The following ATP10D variants were observed in gnomAD, a reference collection of about 807,000 sequenced individuals.
The protein encoded by ATP10D is phospholipid-transporting ATPase VD.
A neutral mutation model predicts 144.8 loss-of-function variants in ATP10D; 89 were observed. The observed-to-expected ratio is 0.61, with a 90% confidence interval of 0.52 to 0.73. The LOEUF (loss-of-function observed/expected upper bound fraction) is 0.73, where lower values mean the gene tolerates loss of function less well. ATP10D is among the 30% of genes least tolerant of loss of function. The pLI is 0.00. For synonymous variants in ATP10D, 571 were observed against 615.1 expected, an observed-to-expected ratio of 0.93 and a Z score of 1.06; for missense variants, 1,603 against 1,714.8, an observed-to-expected ratio of 0.93 and a Z score of 1.15.
At chr4:47,527,431 T>C (rs1377451918) in intron 5 of ATP10D, among the ~76,000 whole-genome samples, 1 of 152,016 alleles carries the variant, frequency 6.6e-6, no homozygotes, top group Non-Finnish European at 1.5e-5. Context: ...CACAATCCAT[T>C]AAAGAAAAAT....
chr4:47,580,262 T>C, intron 19 of ATP10D, 136 bp from the exon 20 acceptor site: 1 of 734,056 alleles, frequency 1.4e-6, no homozygotes, highest in Non-Finnish European at 2.4e-6. Context: ...CCCTTATCTT[T>C]ACCTCTGTTG....
intron 11 of ATP10D, among the ~76,000 whole-genome samples, chr4:47,557,300 A>C (rs576084786): frequency 6.6e-6 from 1 of 152,198 alleles, no homozygotes. Context: ...TTAGAAAAAA[A>C]ATTGCTGAAG....
At chr4:47,547,074 G>A (rs1718480765) in intron 10 of ATP10D, 4 of 566,770 alleles carry the variant, frequency 7.1e-6, no homozygotes, top group Non-Finnish European at 1.2e-5. Context: ...ATGTTGAGAG[G>A]TAGTATACCA....
chr4:47,499,203 T>A (rs928822239), intron 1 of ATP10D, among the ~76,000 whole-genome samples: 1 of 152,212 alleles, frequency 6.6e-6, no homozygotes, highest in Non-Finnish European at 1.5e-5. Flanking sequence ...CTGATCCGTT[T>A]ACTAGACTCT....
At chr4:47,565,027 C>G (rs1360921779) in intron 15 of ATP10D, among the ~76,000 whole-genome samples, 6 of 152,220 alleles carry the variant, frequency 3.9e-5, no homozygotes, top group Non-Finnish European at 7.3e-5. Flanking sequence ...GGCGCGATCT[C>G]GGCTCACTGC....
chr4:47,572,843 A>T (rs377514015), intron 17 of ATP10D, 29 bp from the exon 18 acceptor site: 3 of 1,613,794 alleles, frequency 1.9e-6, no homozygotes, highest in Non-Finnish European at 2.5e-6. Flanking sequence ...ATCACTCAGG[A>T]TGGCATTCTC....
At chr4:47,532,210 G>T (rs28493467) in intron 5 of ATP10D, among the ~76,000 whole-genome samples, 54 of 152,164 alleles carry the variant, frequency 3.5e-4, no homozygotes, top group African/African-American at 1.3e-3. Context: ...AGACACATTC[G>T]AGCATCATTT....
Position 47,535,851 on chromosome 4 carries a change from C to T in ATP10D, c.884-51C>T, listed in dbSNP as rs186023260. The T allele has an allele frequency of 3.8e-6, 6 of 1,570,276 alleles. No individual in the cohort carries two copies. In the Admixed American group the frequency reaches 1.2e-4, roughly 30 times the overall value. ...GAGAGATTTTTAAATATGGTATTCG[C>T]TTCTTGGCTTTAATTTGTACATTTT... On this transcript the variant is annotated intron_variant, in intron 6 of 22. Coordinates refer to ENST00000273859, the MANE Select transcript of ATP10D (RefSeq NM_020453.4).
chr4:47,502,511 A>G (rs1423731394), intron 1 of ATP10D, among the ~76,000 whole-genome samples: 1 of 150,502 alleles, frequency 6.6e-6, no homozygotes. Context: ...GAAGAGAAGC[A>G]TTATCGCTTT....
chr4:47,536,698 A>G lies in ATP10D; in HGVS notation c.1156A>G (p.Ile386Val), dbSNP rs753004084. ...TGGATCTTCTTAGGTCTTGATTCCTATTTCTCTCTATGTTTCCATCGAAAT... is the reference window on the plus strand; with the variant it reads ...TGGATCTTCTTAGGTCTTGATTCCTGTTTCTCTCTATGTTTCCATCGAAAT... ...MIILLQVLIPISLYVSIEIVK... is the reference protein window; with the variant it reads ...MIILLQVLIPVSLYVSIEIVK... The change falls in exon 9 of 23, where the codon ATT (isoleucine) becomes GTT (valine). Residue 386 changes from isoleucine (I) to valine (V), a missense_variant. Coordinates refer to ENST00000273859, the MANE Select transcript of ATP10D (RefSeq NM_020453.4). 13 of 1,608,728 alleles carry G rather than the reference A, an allele frequency of 8.1e-6. No homozygotes were observed. The highest frequency in any genetic ancestry group is 4.4e-5 in the South Asian group (4 of 89,928).
At chr4:47,546,087 T>C (rs1296788807) in intron 9 of ATP10D, among the ~76,000 whole-genome samples, 4 of 152,120 alleles carry the variant, frequency 2.6e-5, no homozygotes, top group African/African-American at 7.2e-5. Context: ...AAGGAAAAAA[T>C]GGTCAAGTCT....
intron 22 of ATP10D, among the ~76,000 whole-genome samples, chr4:47,588,616 G>A (rs1362851184): frequency 6.6e-6 from 1 of 152,110 alleles, no homozygotes; most frequent in Non-Finnish European, 1.5e-5. Flanking sequence ...GTATCATACG[G>A]CACAGTGGAC....
At chr4:47,487,400 A>G (rs910151898) in intron 1 of ATP10D, among the ~76,000 whole-genome samples, 1 of 152,222 alleles carries the variant, frequency 6.6e-6, no homozygotes, top group Non-Finnish European at 1.5e-5. Context: ...AAAAATGTAC[A>G]CATATTCAAG....
In ATP10D at chr4:47,512,532, A is replaced by T. The variant is rs1189038810; in HGVS notation, c.-9A>T. The stretch of plus-strand genomic sequence containing the variant: ...AGCTACACAACCTGGATCTTACCAC[A>T]GTTTGGATATGACTGAGGCTCTCCA... On this transcript the variant is annotated 5_prime_UTR_variant, in exon 2 of 23. Coordinates refer to ENST00000273859, the MANE Select transcript of ATP10D (RefSeq NM_020453.4). The T allele has an allele frequency of 1.2e-6, 2 of 1,602,224 alleles. No homozygotes were observed. The highest frequency in any genetic ancestry group is 1.7e-6 in the Non-Finnish European group (2 of 1,171,758).
chr4:47,520,428 C>G (rs1716883992), intron 3 of ATP10D, among the ~76,000 whole-genome samples: 1 of 152,150 alleles, frequency 6.6e-6, no homozygotes, highest in East Asian at 1.9e-4. Flanking sequence ...TGGCTTCTCC[C>G]CTGCATCCTA....
At chr4:47,532,284 T>C (rs1717609764) in intron 5 of ATP10D, among the ~76,000 whole-genome samples, 1 of 152,230 alleles carries the variant, frequency 6.6e-6, no homozygotes, top group South Asian at 2.1e-4. Flanking sequence ...ATTAGCTTTC[T>C]GCCTATCCAA....
At chr4:47,489,962 T>C (rs1310533926) in intron 1 of ATP10D, among the ~76,000 whole-genome samples, 2 of 152,208 alleles carry the variant, frequency 1.3e-5, no homozygotes, top group Non-Finnish European at 2.9e-5. Context: ...TGGGTACTAC[T>C]ACATTCCTCT....
intron 22 of ATP10D, 58 bp downstream of exon 22, chr4:47,587,264 C>A: frequency 6.8e-7 from 1 of 1,462,518 alleles, no homozygotes; most frequent in Admixed American, 1.9e-5. Context: ...AAGAATCCTT[C>A]AAGCAACTAC....
At chr4:47,576,025 G>A (rs1270602620) in intron 18 of ATP10D, among the ~76,000 whole-genome samples, 3 of 143,392 alleles carry the variant, frequency 2.1e-5, no homozygotes, top group East Asian at 2.1e-4. Context: ...TCCGCCTCCC[G>A]GGTTCACGCC....
Sources: allele counts gnomAD v4.1 joint callset (sites outside exome capture counted in the v4.1 genomes callset), GRCh38; gene constraint gnomAD v4.1.1; transcripts MANE v1.5; gene names NCBI Gene and HGNC (gene_info 2026-07-23, HGNC 2026-07-21).